The following LRRC49 variants were observed in gnomAD, a reference collection of about 807,000 sequenced individuals.
LRRC49 encodes leucine-rich repeat-containing protein 49.
Under a neutral mutation model 83.3 loss-of-function variants are expected in LRRC49, and 50 were observed. The observed-to-expected ratio is 0.60, with a 90% CI of 0.48 to 0.76. The LOEUF is 0.76. Ranked by LOEUF, LRRC49 falls within the 30% of genes least tolerant of loss-of-function variation. LRRC49 has a pLI of 0.00. For synonymous variants in LRRC49, 286 were observed against 283.3 expected (o/e 1.01, Z -0.10); for missense variants, 704 against 809.1 (o/e 0.87, Z 1.58).
intron 2 of LRRC49, among the ~76,000 whole-genome samples, chr15:70,883,505 A>G (rs533768013): frequency 1.3e-5 from 2 of 152,086 alleles, no homozygotes; most frequent in African/African-American, 4.8e-5. Flanking sequence ...AGATGATACT[A>G]TCAGTATTAA....
chr15:70,897,097 A>G (rs1595992383), intron 3 of LRRC49, among the ~76,000 whole-genome samples: 1 of 152,210 alleles, frequency 6.6e-6, no homozygotes, highest in South Asian at 2.1e-4. Context: ...TTTGGTAACA[A>G]TATCTTAAAA....
chr15:71,006,901 C>G (rs1268012736), intron 11 of LRRC49, among the ~76,000 whole-genome samples: 1 of 152,034 alleles, frequency 6.6e-6, no homozygotes, highest in East Asian at 1.9e-4. Flanking sequence ...ATGTATCACA[C>G]AAAGCACAAT....
intron 3 of LRRC49, among the ~76,000 whole-genome samples, chr15:70,896,649 A>G (rs1037839169): frequency 6.6e-6 from 1 of 152,134 alleles, no homozygotes; most frequent in African/African-American, 2.4e-5. Context: ...GCTTTCTGTA[A>G]TGTGCTCATG....
chr15:70,953,794 A>G (rs1190187210), intron 8 of LRRC49, among the ~76,000 whole-genome samples: 1 of 151,772 alleles, frequency 6.6e-6, no homozygotes, highest in African/African-American at 2.4e-5. Context: ...CCTATTTCTC[A>G]GCTATTCTGT....
At chr15:71,008,316 C>A in intron 11 of LRRC49, 63 bp from the exon 12 acceptor site, 1 of 907,914 alleles carries the variant, frequency 1.1e-6, no homozygotes, top group Non-Finnish European at 1.8e-6. Flanking sequence ...TCTGACAGGT[C>A]ATTATACTGT....
chr15:70,973,063 A>G (rs565955960), intron 9 of LRRC49, among the ~76,000 whole-genome samples: 1 of 152,162 alleles, frequency 6.6e-6, no homozygotes, highest in East Asian at 1.9e-4. Flanking sequence ...GAGAAGTGGC[A>G]TTCTGGTTTT....
intron 2 of LRRC49, among the ~76,000 whole-genome samples, chr15:70,877,062 T>A (rs945427612): frequency 6.6e-6 from 1 of 152,206 alleles, no homozygotes; most frequent in East Asian, 1.9e-4. Flanking sequence ...TTCTGGGCCT[T>A]CAGTCCTTCC....
At position 70,989,081 on chromosome 15, in the gene LRRC49, A is replaced by G. The variant is rs2037754171; in HGVS notation, c.1169+4824A>G. ...GGCTGTGCTTAACATTTTTTCCTTC[A>G]TTTCAACTTTGGTGAATCTAACAAT... is the stretch of plus-strand genomic sequence containing the variant. On this transcript the variant is annotated intron_variant, in intron 11 of 15. Coordinates refer to ENST00000260382, the MANE Select transcript of LRRC49 (RefSeq NM_017691.5). 4.6e-5 allele frequency among the ~76,000 whole-genome samples: 7 copies of G among 151,874 alleles called. No homozygotes were observed. The South Asian group carries it at 1.5e-3, about 32-fold the overall frequency.
chr15:71,039,017 A>G (rs562192884), intron 15 of LRRC49, among the ~76,000 whole-genome samples: 1 of 152,288 alleles, frequency 6.6e-6, no homozygotes, highest in African/African-American at 2.4e-5. Flanking sequence ...TCAAGAGCAT[A>G]GAGAGATAAC....
chr15:70,999,428 T>C (rs1212045047), intron 11 of LRRC49, among the ~76,000 whole-genome samples: 1 of 152,206 alleles, frequency 6.6e-6, no homozygotes, highest in Non-Finnish European at 1.5e-5. Context: ...TCTTTTAGCT[T>C]AGTGGTCAGT....
At chr15:70,915,854 A>G (rs1401556999) in intron 6 of LRRC49, among the ~76,000 whole-genome samples, 3 of 152,178 alleles carry the variant, frequency 2.0e-5, no homozygotes, top group Admixed American at 1.3e-4. Context: ...TTACTTTTAT[A>G]TATTATTGAA....
chr15:71,043,140 T>C (rs1408581662), intron 15 of LRRC49, among the ~76,000 whole-genome samples: 1 of 152,212 alleles, frequency 6.6e-6, no homozygotes, highest in African/African-American at 2.4e-5. Flanking sequence ...TTAGAGAGTT[T>C]TCTCTATGGA....
At chr15:70,859,826 C>T (rs2032743687) in intron 1 of LRRC49, 2 of 759,840 alleles carry the variant, frequency 2.6e-6, no homozygotes, top group South Asian at 1.3e-5. Context: ...GTGGCAGCTG[C>T]GTGAGTACCA....
intron 8 of LRRC49, among the ~76,000 whole-genome samples, chr15:70,946,977 A>ACCC (rs2036031859): frequency 6.6e-6 from 1 of 152,072 alleles, no homozygotes; most frequent in Non-Finnish European, 1.5e-5. Flanking sequence ...CAGGTTAGAG[A>ACCC]CCATAGTTTT....
chr15:70,952,796 A>T (rs755648836), intron 8 of LRRC49, among the ~76,000 whole-genome samples: 2 of 151,980 alleles, frequency 1.3e-5, no homozygotes, highest in Non-Finnish European at 2.9e-5. Context: ...ACTTTTTTTT[A>T]AAATCTGGGT....
intron 11 of LRRC49, among the ~76,000 whole-genome samples, chr15:70,987,954 G>T (rs2037695885): frequency 1.3e-5 from 2 of 152,178 alleles, no homozygotes; most frequent in African/African-American, 4.8e-5. Flanking sequence ...TTTTGAGTGA[G>T]TTTCTTCATC....
intron 7 of LRRC49, among the ~76,000 whole-genome samples, chr15:70,933,232 C>CA (rs759079638): frequency 6.6e-6 from 1 of 151,790 alleles, no homozygotes; most frequent in Non-Finnish European, 1.5e-5. Flanking sequence ...AATTTTACTT[C>CA]AAAAAATGTT....
intron 7 of LRRC49, 37 bp downstream of exon 7, chr15:70,919,230 C>G (rs945851742): frequency 2.0e-6 from 3 of 1,527,976 alleles, no homozygotes; most frequent in Admixed American, 2.1e-5. Context: ...TACTTTGTGG[C>G]TTTCTTTCAA....
At chr15:70,956,750 G>A (rs1159858423) in intron 8 of LRRC49, among the ~76,000 whole-genome samples, 1 of 152,146 alleles carries the variant, frequency 6.6e-6, no homozygotes, top group Middle Eastern at 3.2e-3. Flanking sequence ...TGTCTGGCAT[G>A]GTTATTGGTC....
Sources: gnomAD v4.1 joint callset for allele counts (sites outside exome capture counted in the v4.1 genomes callset) on GRCh38, gnomAD v4.1.1 for gene constraint, MANE v1.5 for transcripts, NCBI Gene and HGNC (gene_info 2026-07-23, HGNC 2026-07-21) for gene names.